Variants in RPS10 observed in about 807,000 individuals in gnomAD.
RPS10 encodes small ribosomal subunit protein eS10.
Under a neutral mutation model 22.6 loss-of-function variants are expected in RPS10, and 2 were observed. That is an observed-to-expected ratio of 0.09 (90% CI 0.04 to 0.28). RPS10 has a LOEUF of 0.28. RPS10 is among the 10% of genes least tolerant of loss of function. RPS10 has a pLI of 1.00. For synonymous variants in RPS10, 70 were observed against 75.9 expected (o/e 0.92, Z 0.40); for missense variants, 137 against 222.2 (o/e 0.62, Z 2.44).
intron 4 of RPS10, among the ~76,000 whole-genome samples, chr6:34,419,082 G>A (rs1418310177): frequency 2.0e-5 from 3 of 152,096 alleles, no homozygotes; most frequent in Non-Finnish European, 4.4e-5. Flanking sequence ...GCAATGGCGC[G>A]ATCTCGGCTC....
intron 4 of RPS10, among the ~76,000 whole-genome samples, chr6:34,421,432 C>A (rs1159538106): frequency 3.3e-5 from 5 of 149,532 alleles, no homozygotes; most frequent in African/African-American, 1.2e-4. Flanking sequence ...AATCTGCCCA[C>A]TTCGACCCCC....
chr6:34,424,616 AC>A, intron 3 of RPS10, 52 bp downstream of exon 3: 1 of 1,608,040 alleles, frequency 6.2e-7, no homozygotes, highest in Non-Finnish European at 8.5e-7. Context: ...TTTGTCCCTT[AC>A]ACAAAAGAAA....
intron 4 of RPS10, 84 bp from the exon 5 acceptor site, chr6:34,418,508 T>C: frequency 6.2e-7 from 1 of 1,602,770 alleles, no homozygotes; most frequent in Non-Finnish European, 8.5e-7. Flanking sequence ...GACTCCAATC[T>C]TGCAGGAAAA....
At chr6:34,424,140 TAAAAAAAA>T (rs71538239) in intron 3 of RPS10, 23 of 49,154 alleles carry the variant, frequency 4.7e-4, no homozygotes, top group South Asian at 2.5e-3. Context: ...AAGACTCCGT[TAAAAAAAA>T]AAAAAAAAAA....
At chr6:34,422,742 A>G (rs570866403) in intron 3 of RPS10, among the ~76,000 whole-genome samples, 1 of 148,356 alleles carries the variant, frequency 6.7e-6, no homozygotes, top group African/African-American at 2.5e-5. Context: ...TACAGGTGTG[A>G]GCCACCACAC....
At chr6:34,422,766 C>T (rs1266140195) in intron 3 of RPS10, among the ~76,000 whole-genome samples, 1 of 150,122 alleles carries the variant, frequency 6.7e-6, no homozygotes, top group Non-Finnish European at 1.5e-5. Flanking sequence ...AAGGCACAAA[C>T]TTTAAGAGCT....
chr6:34,421,672 TG>T (rs1196831456), intron 4 of RPS10, 57 bp downstream of exon 4: 8 of 1,598,464 alleles, frequency 5.0e-6, no homozygotes, highest in Non-Finnish European at 6.9e-6. Flanking sequence ...CAGAGCCAGC[TG>T]TGAGAATCCA....
At chr6:34,424,986 G>T (rs1765904760) in intron 2 of RPS10, 86 bp downstream of exon 2, 2 of 1,609,680 alleles carry the variant, frequency 1.2e-6, no homozygotes, top group Middle Eastern at 1.9e-4. Context: ...AACCTTAGGG[G>T]AAGATCCCTC....
chr6:34,425,069 T>G lies in RPS10; in HGVS notation c.150+3A>C. On this transcript the variant is annotated splice_donor_region_variant and intron_variant, in intron 2 of 5. Coordinates refer to ENST00000648437, the MANE Select transcript of RPS10 (RefSeq NM_001014.5). ...CATCCCATCTTCCTCCTCACCCTCC[T>G]ACCTGCATGGCCTTCATGACATGAA... is the stretch of plus-strand genomic sequence containing the variant. 20 of 1,612,246 alleles carry G rather than the reference T, an allele frequency of 1.2e-5. No homozygotes were observed. The highest frequency in any genetic ancestry group is 1.7e-5 in the Non-Finnish European group (20 of 1,179,914).
At chr6:34,423,775 G>T (rs927612878) in intron 3 of RPS10, among the ~76,000 whole-genome samples, 3 of 151,994 alleles carry the variant, frequency 2.0e-5, no homozygotes, top group East Asian at 1.9e-4. Flanking sequence ...TCCCAGTCTC[G>T]GGAGGCTGAG....
At chr6:34,422,162 A>G (rs138497184) in intron 3 of RPS10, among the ~76,000 whole-genome samples, 1 of 152,352 alleles carries the variant, frequency 6.6e-6, no homozygotes, top group Admixed American at 6.5e-5. Context: ...AAAACTTAGT[A>G]TATGCAAACA....
chr6:34,425,352 A>G (rs1765919724), intron 1 of RPS10, 131 bp from the exon 2 acceptor site: 3 of 1,236,342 alleles, frequency 2.4e-6, no homozygotes, highest in South Asian at 2.6e-5. Flanking sequence ...TCAACTCCAC[A>G]AAACAGATTC....
intron 1 of RPS10, 27 bp from the exon 2 acceptor site, chr6:34,425,248 G>A (rs1765915206): frequency 6.3e-7 from 1 of 1,588,810 alleles, no homozygotes; most frequent in Non-Finnish European, 8.6e-7. Flanking sequence ...ATTGTCAAGA[G>A]CACTTCTGAG....
Position 34,418,442 on chromosome 6 carries a change from G to A in RPS10, c.401-18C>T, listed in dbSNP as rs41269040. 51,028 of 1,614,074 alleles carry A rather than the reference G, an allele frequency of 0.032. 1,007 individuals are homozygous for A. The highest frequency in any genetic ancestry group is 0.055 in the South Asian group (4,971 of 91,068). Reference sequence around the variant, plus strand: ...GGCACCAGCTAGAAAGTGAAACATCGATTTAGAATCATCATATGATCTAAT... The same window carrying A: ...GGCACCAGCTAGAAAGTGAAACATCAATTTAGAATCATCATATGATCTAAT... On this transcript the variant is annotated intron_variant, in intron 4 of 5. Transcript: ENST00000648437.
chr6:34,417,965 A>G, intron 5 of RPS10: 2 of 714,460 alleles, frequency 2.8e-6, no homozygotes, highest in Non-Finnish European at 5.2e-6. Context: ...CTACCTTAGT[A>G]GCTGTAATTA....
At chr6:34,425,346 C>T in intron 1 of RPS10, 125 bp from the exon 2 acceptor site, 1 of 1,267,264 alleles carries the variant, frequency 7.9e-7, no homozygotes, top group Admixed American at 2.0e-5. Flanking sequence ...GAAGACTCAA[C>T]TCCACAAAAC....
intron 4 of RPS10, among the ~76,000 whole-genome samples, chr6:34,418,840 C>T (rs1765662565): frequency 6.6e-6 from 1 of 152,164 alleles, no homozygotes; most frequent in South Asian, 2.1e-4. Context: ...ATATCCCAGT[C>T]ACAGTTCAAA....
At chr6:34,418,218 A>G (rs1765642614) in intron 5 of RPS10, 151 bp downstream of exon 5, 3 of 1,539,554 alleles carry the variant, frequency 1.9e-6, no homozygotes, top group Middle Eastern at 2.2e-4. Flanking sequence ...CTACAACTCA[A>G]TGTAAAATTT....
Position 34,418,379 on chromosome 6 carries a change from T to C in RPS10, c.446A>G (p.Glu149Gly), listed in dbSNP as rs1478299210. ...TAGGAAGATACTCACAAACTGGAAT[T>C]CGGTTGCTGACCCAGCCCCAGCCTC... ...KAEAGAGSAT[E>G]FQFRGGFGRG... Residue 149 changes from glutamate (E) to glycine (G), a missense_variant, in exon 5 of 6, where the codon GAA (glutamate) becomes GGA (glycine). Glu to Gly is a moderately conservative substitution (Grantham distance 98). Transcript: ENST00000648437. 1 of 1,614,030 alleles carries C rather than the reference T, an allele frequency of 6.2e-7. No individual in the cohort carries two copies. Among genetic ancestry groups the C allele is most frequent in the African/African-American group, 1.3e-5 (1 of 74,920 alleles).
Sources: allele counts gnomAD v4.1 joint callset (sites outside exome capture counted in the v4.1 genomes callset), GRCh38; gene constraint gnomAD v4.1.1; transcripts MANE v1.5; gene names NCBI Gene and HGNC (gene_info 2026-07-23, HGNC 2026-07-21).